Variants in EXOC5 observed in about 807,000 individuals in gnomAD.
The protein encoded by EXOC5 is exocyst complex component 5, also known as SEC10-like 1.
A neutral mutation model predicts 90.8 loss-of-function variants in EXOC5; 17 were observed. The ratio of observed to expected loss-of-function variants is 0.19; its 90% CI spans 0.13 to 0.28. The LOEUF (loss-of-function observed/expected upper bound fraction) is 0.28, where lower values mean the gene tolerates loss of function less well. Among genes scored for constraint, EXOC5 ranks in the 10% least tolerant of loss-of-function variants. EXOC5 has a pLI of 1.00. For synonymous variants in EXOC5, 260 were observed against 270.0 expected, an observed-to-expected ratio of 0.96 and a Z score of 0.36; for missense variants, 569 against 830.6, an observed-to-expected ratio of 0.69 and a Z score of 3.87.
chr14:57,238,915 T>C (rs1209841023), intron 5 of EXOC5, among the ~76,000 whole-genome samples: 1 of 152,078 alleles, frequency 6.6e-6, no homozygotes, highest in African/African-American at 2.4e-5. Context: ...GGAAGTACTA[T>C]TTTACCAACA....
chr14:57,235,667 T>C (rs1379119318), intron 7 of EXOC5, 44 bp downstream of exon 7: 2 of 984,032 alleles, frequency 2.0e-6, no homozygotes, highest in East Asian at 5.2e-5. Flanking sequence ...TTACGTAATT[T>C]CCATAGCCTT....
At position 57,232,735 on chromosome 14, in the gene EXOC5, C is replaced by T. The variant is rs1434224585; in HGVS notation, c.870G>A (p.Glu290=). 4.6e-6 allele frequency: 7 copies of T among 1,523,550 alleles called. No homozygotes were observed. Among genetic ancestry groups the T allele is most frequent in the African/African-American group, 4.2e-5 (3 of 72,192 alleles). The allele number at this position is 1,523,550 out of a possible 1,614,324, so 94.4% of individuals were successfully genotyped here. The change falls in exon 10 of 18, where the codon GAG becomes GAA. Residue 290 remains glutamate, a synonymous_variant. Coordinates refer to ENST00000621441, the MANE Select transcript of EXOC5 (RefSeq NM_006544.4). ...CGGACTTCCTACATTCTTCTAACTG[C>T]TCTTTCACAAAACTCTAAAAGAAAA... The part of the protein sequence containing the change: ...FEIKLQSFVK[E]QLEECRKSDA...
intron 13 of EXOC5, among the ~76,000 whole-genome samples, chr14:57,221,694 A>G (rs1489684005): frequency 6.6e-6 from 1 of 152,316 alleles, no homozygotes; most frequent in East Asian, 1.9e-4. Context: ...TAAAAAACTG[A>G]CATACAATAA....
intron 1 of EXOC5, among the ~76,000 whole-genome samples, chr14:57,267,756 T>C (rs145323649): frequency 6.6e-6 from 1 of 152,312 alleles, no homozygotes; most frequent in Non-Finnish European, 1.5e-5. Context: ...CGAAATTAAA[T>C]TTTAAGGTTT....
intron 10 of EXOC5, chr14:57,232,048 G>A: frequency 5.0e-6 from 1 of 199,188 alleles, no homozygotes; most frequent in Non-Finnish European, 1.0e-5. Context: ...CCAAAACAGA[G>A]TACTGAAAGA....
chr14:57,231,848 T>G (rs1883497719), intron 10 of EXOC5, 133 bp from the exon 11 acceptor site: 2 of 612,214 alleles, frequency 3.3e-6, no homozygotes, highest in African/African-American at 1.8e-5. Context: ...TCTGGGAGAG[T>G]ACTTATGATG....
At chr14:57,264,640 G>C (rs930394864) in intron 1 of EXOC5, among the ~76,000 whole-genome samples, 1 of 152,116 alleles carries the variant, frequency 6.6e-6, no homozygotes, top group African/African-American at 2.4e-5. Flanking sequence ...CTTATCTCCA[G>C]GGCCTACAAC....
Position 57,212,931 on chromosome 14 carries a change from A to G in EXOC5, c.1614-2870T>C, listed in dbSNP as rs868548401. On this transcript the variant is annotated intron_variant, in intron 15 of 17. Transcript: ENST00000621441. Reference sequence around the variant, plus strand: ...AAGACCTTCACTTTTAACTTTATGCAGTGTTTTTATATTTTTCATTAACTT... The same window carrying G: ...AAGACCTTCACTTTTAACTTTATGCGGTGTTTTTATATTTTTCATTAACTT... Among the ~76,000 whole-genome samples, 4 of 152,118 alleles carry G rather than the reference A, an allele frequency of 2.6e-5. No individual in the cohort carries two copies. The East Asian group carries it at 7.7e-4, about 29-fold the overall frequency.
At chr14:57,224,415 A>G (rs1366331977) in intron 12 of EXOC5, among the ~76,000 whole-genome samples, 1 of 152,226 alleles carries the variant, frequency 6.6e-6, no homozygotes, top group Non-Finnish European at 1.5e-5. Context: ...TTCTACAGCT[A>G]TTAAAAGGAT....
chr14:57,208,986 A>G (rs1353397130), intron 17 of EXOC5, among the ~76,000 whole-genome samples, 189 bp from the exon 18 acceptor site: 1 of 152,160 alleles, frequency 6.6e-6, no homozygotes, highest in Non-Finnish European at 1.5e-5. Context: ...ACTTGCTATA[A>G]TATTTCAAAA....
Position 57,202,525 on chromosome 14 carries a change from T to C in EXOC5, c.*6084A>G, listed in dbSNP as rs933800460. 7.9e-5 allele frequency: 12 copies of C among 152,166 alleles called. No homozygotes were observed. The highest frequency in any genetic ancestry group is 1.3e-4 in the Non-Finnish European group (9 of 68,018). The allele number at this position is 152,166 out of a possible 1,614,324, so 9.4% of individuals were successfully genotyped here. On this transcript the variant is annotated 3_prime_UTR_variant, in exon 18 of 18. Transcript: ENST00000621441. ...ATTTGTACAGTATTTACAACCCTTC[T>C]GTTAAGTCTGATTGTTTCAAAAATT...
At chr14:57,268,444 T>A in intron 1 of EXOC5, 178 bp downstream of exon 1, 34 of 1,412,630 alleles carry the variant, frequency 2.4e-5, no homozygotes, top group Non-Finnish European at 2.7e-5. Flanking sequence ...CAAGCACCCC[T>A]CCCCCATTTC....
chr14:57,222,263 C>A, intron 13 of EXOC5, 45 bp downstream of exon 13: 2 of 935,088 alleles, frequency 2.1e-6, no homozygotes, highest in Non-Finnish European at 1.7e-6. Flanking sequence ...TTTAACCAAG[C>A]AGAATCAAAA....
At chr14:57,214,275 T>A (rs932354458) in intron 15 of EXOC5, among the ~76,000 whole-genome samples, 1 of 152,052 alleles carries the variant, frequency 6.6e-6, no homozygotes, top group African/African-American at 2.4e-5. Context: ...GTTGGGTGGG[T>A]CTTTTTTCCC....
At chr14:57,236,069 T>A (rs1883648341) in intron 6 of EXOC5, among the ~76,000 whole-genome samples, 1 of 152,140 alleles carries the variant, frequency 6.6e-6, no homozygotes, top group Non-Finnish European at 1.5e-5. Flanking sequence ...GACTGTCATA[T>A]GCCATTGTTA....
Position 57,202,085 on chromosome 14 carries a change from C to T in EXOC5, c.*6524G>A, listed in dbSNP as rs1257075886. ...ACTATGTGATAGGATGCAACAATAA[C>T]ACAGAGTTGCATCCGTGGTATGTCT... On this transcript the variant is annotated 3_prime_UTR_variant, in exon 18 of 18. Transcript: ENST00000621441. 6.7e-6 allele frequency: 1 copy of T among 150,176 alleles called. No individual in the cohort carries two copies. Among genetic ancestry groups the T allele is most frequent in the Non-Finnish European group, 1.5e-5 (1 of 66,800 alleles). 9.3% of individuals were successfully genotyped at this position (150,176 alleles called of 1,614,324 possible). A position where few individuals can be genotyped will look rare whatever the true frequency, so the allele number is the denominator to read the frequency against.
chr14:57,226,926 T>C (rs1423702692), intron 12 of EXOC5, among the ~76,000 whole-genome samples: 3 of 152,186 alleles, frequency 2.0e-5, no homozygotes, highest in Non-Finnish European at 2.9e-5. Context: ...AGACTTCTTA[T>C]ATATGACACC....
intron 1 of EXOC5, among the ~76,000 whole-genome samples, chr14:57,267,666 G>A (rs192378203): frequency 9.2e-5 from 14 of 152,168 alleles, no homozygotes; most frequent in Admixed American, 8.5e-4. Context: ...CTTTATACGT[G>A]TCATTGTTTT....
intron 1 of EXOC5, among the ~76,000 whole-genome samples, chr14:57,258,647 G>A (rs746559788): frequency 1.4e-4 from 22 of 152,162 alleles, no homozygotes; most frequent in Non-Finnish European, 2.6e-4. Context: ...GTATACCTAC[G>A]TAACAAACCT....
Sources: gnomAD v4.1 joint callset for allele counts (sites outside exome capture counted in the v4.1 genomes callset) on GRCh38, gnomAD v4.1.1 for gene constraint, MANE v1.5 for transcripts, NCBI Gene and HGNC (gene_info 2026-07-23, HGNC 2026-07-21) for gene names.